MICAL3: variants seen among roughly 807,000 people sequenced by gnomAD.
MICAL3 encodes the protein microtubule associated monooxygenase, calponin and LIM domain containing 3.
A neutral mutation model predicts 207.4 loss-of-function variants in MICAL3; 62 were observed. That is an observed-to-expected ratio of 0.30 (90% CI 0.24 to 0.37). The LOEUF (loss-of-function observed/expected upper bound fraction) is 0.37, where lower values mean the gene tolerates loss of function less well. Ranked by LOEUF, MICAL3 falls within the 10% of genes least tolerant of loss-of-function variation. MICAL3 has a pLI of 1.00. For synonymous variants in MICAL3, 1,077 were observed against 1,069.3 expected, an observed-to-expected ratio of 1.01 and a Z score of -0.14; for missense variants, 2,368 against 2,635.6, an observed-to-expected ratio of 0.90 and a Z score of 2.22.
intron 19 of MICAL3, chr22:17,864,062 C>G (rs1216262520): frequency 3.0e-6 from 3 of 987,094 alleles, no homozygotes; most frequent in Non-Finnish European, 3.6e-6. Context: ...GTTTGTGGAG[C>G]TCTGGACGCA....
At chr22:17,973,718 CG>C (rs1230125965) in intron 1 of MICAL3, among the ~76,000 whole-genome samples, 1 of 152,058 alleles carries the variant, frequency 6.6e-6, no homozygotes, top group Non-Finnish European at 1.5e-5. Context: ...GAGTTGAGCC[CG>C]GGAGTTTGAC....
intron 19 of MICAL3, chr22:17,864,172 C>G: frequency 2.0e-6 from 2 of 989,446 alleles, no homozygotes; most frequent in South Asian, 9.3e-5. Flanking sequence ...CCTGCGAGTC[C>G]TGTCATGCTA....
chr22:17,858,078 T>A (rs1926116969), intron 19 of MICAL3, among the ~76,000 whole-genome samples: 1 of 152,212 alleles, frequency 6.6e-6, no homozygotes, highest in African/African-American at 2.4e-5. Context: ...TTCACGTGGC[T>A]GGTAGAACCC....
chr22:17,939,671 G>A (rs190850456), intron 1 of MICAL3, among the ~76,000 whole-genome samples: 2 of 152,348 alleles, frequency 1.3e-5, no homozygotes, highest in African/African-American at 4.8e-5. Context: ...AAAGGAGCTA[G>A]ACAAACACTT....
At chr22:17,830,251 T>C (rs541201220) in intron 21 of MICAL3, among the ~76,000 whole-genome samples, 4 of 152,222 alleles carry the variant, frequency 2.6e-5, no homozygotes, top group African/African-American at 9.6e-5. Flanking sequence ...GTCCAGCCAC[T>C]GCCTGCACAG....
chr22:17,820,906 A>ATTTG (rs1921532620), intron 25 of MICAL3, among the ~76,000 whole-genome samples: 2 of 146,220 alleles, frequency 1.4e-5, no homozygotes, highest in Non-Finnish European at 3.0e-5. Context: ...ATTTTAATAA[A>ATTTG]TTTATATTTA....
intron 1 of MICAL3, 67 bp from the exon 2 acceptor site, chr22:17,906,953 T>A: frequency 1.2e-6 from 1 of 839,692 alleles, no homozygotes; most frequent in Non-Finnish European, 1.9e-6. Flanking sequence ...GGAGACATAT[T>A]CCTCTTCAAA....
intron 19 of MICAL3, among the ~76,000 whole-genome samples, chr22:17,852,729 C>G (rs1411653236): frequency 3.3e-5 from 5 of 152,218 alleles, no homozygotes; most frequent in Admixed American, 3.3e-4. Context: ...TAAGAGAAAG[C>G]TACCTGGCTC....
chr22:17,869,634 T>C (rs1294485239), intron 17 of MICAL3, among the ~76,000 whole-genome samples: 2 of 152,152 alleles, frequency 1.3e-5, no homozygotes, highest in Non-Finnish European at 2.9e-5. Flanking sequence ...AAGTAAAATA[T>C]GGGGACATCT....
At position 17,980,447 on chromosome 22, in the gene MICAL3, C is replaced by T. The variant is rs543477929; in HGVS notation, c.-75+43834G>A. On this transcript the variant is annotated intron_variant, in intron 1 of 31. Coordinates refer to ENST00000441493, the MANE Select transcript of MICAL3 (RefSeq NM_015241.3). Reference sequence around the variant, plus strand: ...GCCTGCTATCACAGCTGACTGCACACACATCTGGCTCCCTACCATGGAATA... The same window carrying T: ...GCCTGCTATCACAGCTGACTGCACATACATCTGGCTCCCTACCATGGAATA... 8.5e-5 allele frequency among the ~76,000 whole-genome samples: 13 copies of T among 152,330 alleles called. 1 individual carries two copies. In the South Asian group the frequency reaches 1.7e-3, roughly 19 times the overall value.
chr22:17,990,998 C>G (rs958655420), intron 1 of MICAL3, among the ~76,000 whole-genome samples: 5 of 152,216 alleles, frequency 3.3e-5, no homozygotes, highest in Non-Finnish European at 7.3e-5. Flanking sequence ...GGCCTGGAGA[C>G]AAGCATTAAA....
At chr22:17,831,833 G>A in intron 21 of MICAL3, 21 bp downstream of exon 21, 1 of 1,547,782 alleles carries the variant, frequency 6.5e-7, no homozygotes, top group Admixed American at 2.0e-5. Context: ...GCAGAGTTCG[G>A]AGCAGAGATT....
intron 1 of MICAL3, among the ~76,000 whole-genome samples, chr22:18,010,876 G>A (rs1923674982): frequency 6.6e-6 from 1 of 151,568 alleles, no homozygotes; most frequent in Non-Finnish European, 1.5e-5. Context: ...AAGAGAATGG[G>A]GTATGCCTTT....
intron 1 of MICAL3, among the ~76,000 whole-genome samples, chr22:17,979,131 G>A (rs1162661698): frequency 6.6e-6 from 1 of 151,980 alleles, no homozygotes. Context: ...CTGTGATCAT[G>A]CCGCTGCATT....
chr22:17,861,018 C>A, intron 19 of MICAL3: 1 of 985,398 alleles, frequency 1.0e-6, no homozygotes, highest in Non-Finnish European at 1.2e-6. Flanking sequence ...TATATATAAA[C>A]ATTCACACAT....
At chr22:17,953,415 C>A (rs1934446449) in intron 1 of MICAL3, among the ~76,000 whole-genome samples, 1 of 152,068 alleles carries the variant, frequency 6.6e-6, no homozygotes, top group African/African-American at 2.4e-5. Context: ...TTGATGTGAG[C>A]CAGGAGAACC....
rs142033288 is a variant in MICAL3, at chr22:17,966,071, T to C, written c.-75+58210A>G. On this transcript the variant is annotated intron_variant, in intron 1 of 31. Transcript: ENST00000441493. ...TAGAGAGGAGTCGGAGGTAACTCCA[T>C]GCCATGCAGGATCTGCCATCTGCTG... 1.2e-4 allele frequency among the ~76,000 whole-genome samples: 19 copies of C among 152,346 alleles called. 1 individual carries two copies. The East Asian group carries it at 3.7e-3, about 29-fold the overall frequency.
intron 1 of MICAL3, among the ~76,000 whole-genome samples, chr22:17,991,897 A>C (rs939811652): frequency 6.6e-6 from 1 of 152,134 alleles, no homozygotes; most frequent in Non-Finnish European, 1.5e-5. Context: ...CATTATTACA[A>C]GGCTCCAACC....
chr22:17,849,663 T>C (rs1456232223), intron 19 of MICAL3, among the ~76,000 whole-genome samples: 2 of 139,258 alleles, frequency 1.4e-5, no homozygotes, highest in East Asian at 2.0e-4. Context: ...TGTGTGTGTG[T>C]GTGTGTGTGT....
Sources: allele counts gnomAD v4.1 joint callset (sites outside exome capture counted in the v4.1 genomes callset), GRCh38; gene constraint gnomAD v4.1.1; transcripts MANE v1.5; gene names NCBI Gene and HGNC (gene_info 2026-07-23, HGNC 2026-07-21).